Variants in CCDC146 observed in about 807,000 individuals in gnomAD.
The protein encoded by CCDC146 is coiled-coil domain-containing protein 146.
CCDC146 carries 92 observed loss-of-function variants against 119.3 expected under a neutral mutation model. The ratio of observed to expected loss-of-function variants is 0.77; its 90% CI spans 0.65 to 0.92. CCDC146 has a LOEUF of 0.92. Among genes scored for constraint, CCDC146 ranks in the 40% least tolerant of loss-of-function variants. The probability of loss-of-function intolerance (pLI) is 0.00; values close to 1 mark genes in which losing one functional copy is unlikely to be tolerated. For missense variants in CCDC146, 1,000 were observed against 1,103.0 expected, an observed-to-expected ratio of 0.91 and a Z score of 1.32; for synonymous variants, 372 against 371.8, an observed-to-expected ratio of 1.00 and a Z score of -0.01.
In CCDC146 at chr7:77,130,892, C is replaced by T. The variant is rs1346292169; in HGVS notation, c.-12+8160C>T. Among the ~76,000 whole-genome samples the T allele has an allele frequency of 2.7e-5, 4 of 147,850 alleles. No individual in the cohort carries two copies. In the East Asian group the frequency reaches 6.0e-4, roughly 22 times the overall value. On this transcript the variant is annotated intron_variant, in intron 1 of 18. Coordinates refer to ENST00000285871, the MANE Select transcript of CCDC146 (RefSeq NM_020879.3). ...GATTACAGGCGTGAGCCACCGCGCC[C>T]GGCCCTTTTTTTTTTTTTAAACGGA...
At chr7:77,207,225 T>C (rs1423622755) in intron 2 of CCDC146, among the ~76,000 whole-genome samples, 5 of 152,230 alleles carry the variant, frequency 3.3e-5, no homozygotes, top group Non-Finnish European at 7.4e-5. Context: ...TTCTGAGGTA[T>C]AGCATTATCT....
At chr7:77,207,526 C>T (rs2150444588) in intron 2 of CCDC146, among the ~76,000 whole-genome samples, 1 of 152,152 alleles carries the variant, frequency 6.6e-6, no homozygotes, top group East Asian at 1.9e-4. Flanking sequence ...CACAAGAAAA[C>T]AGCAAAATAG....
intron 4 of CCDC146, among the ~76,000 whole-genome samples, chr7:77,251,886 C>T (rs566602181): frequency 5.3e-5 from 8 of 152,328 alleles, no homozygotes; most frequent in African/African-American, 1.4e-4. Flanking sequence ...CAGTGGCTCA[C>T]GCCTGTAATC....
At chr7:77,260,835 T>C in intron 8 of CCDC146, among the ~76,000 whole-genome samples, 1 of 152,156 alleles carries the variant, frequency 6.6e-6, no homozygotes, top group East Asian at 1.9e-4. Context: ...ATCACCATGT[T>C]GGCCAGGTGG....
At chr7:77,285,644 G>A (rs1793834318) in intron 15 of CCDC146, among the ~76,000 whole-genome samples, 1 of 152,164 alleles carries the variant, frequency 6.6e-6, no homozygotes, top group African/African-American at 2.4e-5. Flanking sequence ...AGATTACACA[G>A]GTATTCAGTA....
chr7:77,212,641 A>T (rs903007304), intron 2 of CCDC146, among the ~76,000 whole-genome samples: 48 of 146,014 alleles, frequency 3.3e-4, no homozygotes, highest in African/African-American at 1.2e-3. Context: ...AAAAAAAAAA[A>T]TTGAAGAAAA....
intron 9 of CCDC146, 73 bp downstream of exon 9, chr7:77,262,380 T>G: frequency 8.1e-7 from 1 of 1,237,808 alleles, no homozygotes; most frequent in Non-Finnish European, 1.1e-6. Flanking sequence ...TTTAGGAAGT[T>G]GTTTTTGCTG....
chr7:77,264,504 C>G (rs1283191441), intron 9 of CCDC146, among the ~76,000 whole-genome samples: 1 of 152,204 alleles, frequency 6.6e-6, no homozygotes, highest in Admixed American at 6.5e-5. Context: ...AGTGATCCAT[C>G]TGCCTCGGCC....
At chr7:77,224,398 G>T (rs1792465177) in intron 2 of CCDC146, among the ~76,000 whole-genome samples, 1 of 152,130 alleles carries the variant, frequency 6.6e-6, no homozygotes, top group African/African-American at 2.4e-5. Context: ...TTCATTTCAT[G>T]TCTCAAATCT....
At chr7:77,270,548 T>C (rs1396834999) in intron 9 of CCDC146, among the ~76,000 whole-genome samples, 1 of 152,210 alleles carries the variant, frequency 6.6e-6, no homozygotes, top group Admixed American at 6.5e-5. Flanking sequence ...CCCACATTAA[T>C]GGAGACTTCA....
chr7:77,271,970 C>T (rs960915454), intron 9 of CCDC146, among the ~76,000 whole-genome samples: 9 of 152,010 alleles, frequency 5.9e-5, no homozygotes, highest in Non-Finnish European at 1.0e-4. Context: ...TTACATCTGC[C>T]GACACCCGGG....
intron 2 of CCDC146, among the ~76,000 whole-genome samples, chr7:77,201,224 A>T (rs1439252892): frequency 6.6e-6 from 1 of 152,076 alleles, no homozygotes; most frequent in Non-Finnish European, 1.5e-5. Context: ...TTCTTCCCTC[A>T]TACAGGAATG....
intron 2 of CCDC146, among the ~76,000 whole-genome samples, chr7:77,218,095 G>A (rs1222954369): frequency 6.6e-6 from 1 of 152,036 alleles, no homozygotes; most frequent in East Asian, 1.9e-4. Flanking sequence ...ACAATGTCAG[G>A]ACAACTACAC....
chr7:77,246,824 C>T (rs1792959216), intron 4 of CCDC146, among the ~76,000 whole-genome samples: 2 of 152,150 alleles, frequency 1.3e-5, no homozygotes, highest in South Asian at 4.1e-4. Flanking sequence ...TCAGTTTCTT[C>T]ATTTGTACAA....
intron 1 of CCDC146, among the ~76,000 whole-genome samples, chr7:77,158,474 G>A (rs1791208628): frequency 6.6e-6 from 1 of 151,848 alleles, no homozygotes. Flanking sequence ...TAATACAATG[G>A]GCTTTGCAAT....
intron 1 of CCDC146, among the ~76,000 whole-genome samples, chr7:77,130,493 G>C (rs1790765820): frequency 6.6e-6 from 1 of 151,974 alleles, no homozygotes; most frequent in South Asian, 2.1e-4. Context: ...CTTGTGATCT[G>C]AGCCTAACCA....
chr7:77,264,568 C>T (rs1299508249), intron 9 of CCDC146, among the ~76,000 whole-genome samples: 5 of 152,166 alleles, frequency 3.3e-5, no homozygotes, highest in African/African-American at 4.8e-5. Context: ...CCCTATTTAC[C>T]GTCACTCTTT....
intron 2 of CCDC146, among the ~76,000 whole-genome samples, chr7:77,197,728 T>C (rs1791902030): frequency 6.6e-6 from 1 of 152,156 alleles, no homozygotes; most frequent in African/African-American, 2.4e-5. Flanking sequence ...ATAAAGAAGC[T>C]CAAGTGAAAA....
chr7:77,278,499 G>A (rs1454892172), intron 11 of CCDC146, among the ~76,000 whole-genome samples: 6 of 146,318 alleles, frequency 4.1e-5, no homozygotes, highest in South Asian at 4.4e-4. Context: ...AGGCTGGAGC[G>A]GAGTGATGCA....
Sources: allele counts gnomAD v4.1 joint callset (sites outside exome capture counted in the v4.1 genomes callset), GRCh38; gene constraint gnomAD v4.1.1; transcripts MANE v1.5; gene names NCBI Gene and HGNC (gene_info 2026-07-23, HGNC 2026-07-21).